The following CORIN variants were observed in gnomAD, a reference collection of about 807,000 sequenced individuals.
CORIN encodes corin, serine peptidase, also known as atrial natriuretic peptide-converting enzyme.
Under a neutral mutation model 125.3 loss-of-function variants are expected in CORIN, and 117 were observed. The observed-to-expected ratio is 0.93, with a 90% CI of 0.80 to 1.09. The LOEUF (loss-of-function observed/expected upper bound fraction) is 1.09, where lower values mean the gene tolerates loss of function less well. Among genes scored for constraint, CORIN ranks in the 50% least tolerant of loss-of-function variants. The probability of loss-of-function intolerance (pLI) is 0.00; values close to 1 mark genes in which losing one functional copy is unlikely to be tolerated. For synonymous variants in CORIN, 450 were observed against 466.4 expected, an observed-to-expected ratio of 0.96 and a Z score of 0.45; for missense variants, 1,253 against 1,306.7, an observed-to-expected ratio of 0.96 and a Z score of 0.63.
intron 1 of CORIN, among the ~76,000 whole-genome samples, chr4:47,810,102 T>C (rs556464990): frequency 6.6e-6 from 1 of 152,344 alleles, no homozygotes; most frequent in East Asian, 1.9e-4. Flanking sequence ...CACATATTTG[T>C]AAAGCATGTC....
intron 2 of CORIN, among the ~76,000 whole-genome samples, chr4:47,805,148 A>AATAATAATAATAAT (rs1553919340): frequency 1.6e-4 from 21 of 129,158 alleles, no homozygotes; most frequent in African/African-American, 5.3e-4. Flanking sequence ...AAAAAAAAAA[A>AATAATAATAATAAT]AATAATAATA....
At chr4:47,815,341 C>A (rs963076003) in intron 1 of CORIN, among the ~76,000 whole-genome samples, 21 of 152,028 alleles carry the variant, frequency 1.4e-4, no homozygotes, top group African/African-American at 4.8e-4. Context: ...TCAGAGCTTG[C>A]TCAATTTAGT....
chr4:47,657,674 A>G (rs997795172), intron 12 of CORIN, among the ~76,000 whole-genome samples: 1 of 152,160 alleles, frequency 6.6e-6, no homozygotes, highest in African/African-American at 2.4e-5. Flanking sequence ...GAAGCTTACA[A>G]TCATGGCAGA....
At position 47,595,492 on chromosome 4, in the gene CORIN, G is replaced by T; in HGVS notation, c.*229C>A. The T allele has an allele frequency of 7.2e-4, 204 of 284,142 alleles. No homozygotes were observed. The highest frequency in any genetic ancestry group is 2.2e-3 in the Middle Eastern group (2 of 908). The allele number at this position is 284,142 out of a possible 1,614,324, so 17.6% of individuals were successfully genotyped here. On this transcript the variant is annotated 3_prime_UTR_variant, in exon 22 of 22. Coordinates refer to ENST00000273857, the MANE Select transcript of CORIN (RefSeq NM_006587.4). ...CTGGCAAAAGGACAAAGTCTGCTTT[G>T]TTTGCTTTTGTAAAGTCTTTCATTG...
At chr4:47,649,805 A>T (rs545514463) in intron 13 of CORIN, among the ~76,000 whole-genome samples, 1 of 152,348 alleles carries the variant, frequency 6.6e-6, no homozygotes, top group South Asian at 2.1e-4. Context: ...CTACTGAGTG[A>T]TGAGAAATCA....
At chr4:47,626,922 A>T (rs867035249) in intron 16 of CORIN, among the ~76,000 whole-genome samples, 3 of 152,214 alleles carry the variant, frequency 2.0e-5, no homozygotes, top group African/African-American at 7.2e-5. Flanking sequence ...TTTAGCATTT[A>T]TTTAGACAGC....
intron 11 of CORIN, 56 bp downstream of exon 11, chr4:47,664,976 C>A: frequency 8.4e-7 from 1 of 1,197,482 alleles, no homozygotes; most frequent in Non-Finnish European, 1.2e-6. Flanking sequence ...TAAGTCTTCA[C>A]CCCTTGGTTC....
At chr4:47,662,893 T>C (rs1724314871) in intron 11 of CORIN, among the ~76,000 whole-genome samples, 1 of 152,184 alleles carries the variant, frequency 6.6e-6, no homozygotes, top group Non-Finnish European at 1.5e-5. Flanking sequence ...AACTCAACAC[T>C]GGCTTAGCCC....
At chr4:47,792,452 C>A (rs1731121891) in intron 2 of CORIN, among the ~76,000 whole-genome samples, 1 of 152,146 alleles carries the variant, frequency 6.6e-6, no homozygotes, top group Non-Finnish European at 1.5e-5. Context: ...AGAGTAAGGC[C>A]TTAGCCAACG....
intron 19 of CORIN, among the ~76,000 whole-genome samples, chr4:47,610,925 T>C (rs1282369262): frequency 6.6e-6 from 1 of 152,068 alleles, no homozygotes; most frequent in African/African-American, 2.4e-5. Flanking sequence ...TATTTCTGGG[T>C]TCTCTATTCT....
intron 3 of CORIN, among the ~76,000 whole-genome samples, chr4:47,771,030 T>C (rs1296183999): frequency 6.6e-6 from 1 of 152,156 alleles, no homozygotes; most frequent in Non-Finnish European, 1.5e-5. Context: ...AGATTTTAAG[T>C]ATACTCACCC....
intron 4 of CORIN, among the ~76,000 whole-genome samples, chr4:47,753,739 T>A (rs1729013686): frequency 6.6e-6 from 1 of 152,274 alleles, no homozygotes; most frequent in South Asian, 2.1e-4. Context: ...TGAAAATCGC[T>A]GTTACTCTGT....
intron 2 of CORIN, among the ~76,000 whole-genome samples, chr4:47,795,509 T>C (rs1292298615): frequency 1.3e-5 from 2 of 152,070 alleles, no homozygotes; most frequent in South Asian, 2.1e-4. Flanking sequence ...TCCTTAGTTA[T>C]GTTTATTCCC....
At chr4:47,621,062 G>A (rs1260348138) in intron 19 of CORIN, among the ~76,000 whole-genome samples, 1 of 152,040 alleles carries the variant, frequency 6.6e-6, no homozygotes, top group Non-Finnish European at 1.5e-5. Flanking sequence ...TTTAAATAAA[G>A]TAAAATTACT....
chr4:47,745,093 G>A (rs892734373), intron 4 of CORIN, among the ~76,000 whole-genome samples: 8 of 152,144 alleles, frequency 5.3e-5, no homozygotes, highest in African/African-American at 1.9e-4. Context: ...GTGGCAACTT[G>A]GAAGACCTTG....
In CORIN at chr4:47,595,587, A is replaced by T. The variant is rs1470831821; in HGVS notation, c.*134T>A. The T allele has an allele frequency of 1.8e-6, 1 of 546,080 alleles. No individual in the cohort carries two copies. Among genetic ancestry groups the T allele is most frequent in the Non-Finnish European group, 3.1e-6 (1 of 324,618 alleles). 33.8% of individuals were successfully genotyped at this position (546,080 alleles called of 1,614,324 possible). The stretch of plus-strand genomic sequence containing the variant: ...AAAATTAGTCCAAAACAAACATGCA[A>T]ATTTGCAGTGCACGATTGAGCATTT... On this transcript the variant is annotated 3_prime_UTR_variant, in exon 22 of 22. Coordinates refer to ENST00000273857, the MANE Select transcript of CORIN (RefSeq NM_006587.4).
intron 16 of CORIN, among the ~76,000 whole-genome samples, chr4:47,630,972 G>C (rs765035940): frequency 1.3e-5 from 2 of 152,186 alleles, no homozygotes; most frequent in African/African-American, 4.8e-5. Context: ...CATGTGAGCA[G>C]AACTCCTTGG....
chr4:47,819,242 ACAT>A (rs1732400844), intron 1 of CORIN, among the ~76,000 whole-genome samples: 1 of 152,182 alleles, frequency 6.6e-6, no homozygotes, highest in Admixed American at 6.5e-5. Context: ...ATTTACTTGA[ACAT>A]GAAAGCATTC....
chr4:47,829,900 C>T (rs1439637275), intron 1 of CORIN, among the ~76,000 whole-genome samples: 1 of 152,194 alleles, frequency 6.6e-6, no homozygotes, highest in Non-Finnish European at 1.5e-5. Flanking sequence ...TCATTTTACA[C>T]AAGTAAACCA....
Sources: gnomAD v4.1 joint callset for allele counts (sites outside exome capture counted in the v4.1 genomes callset) on GRCh38, gnomAD v4.1.1 for gene constraint, MANE v1.5 for transcripts, NCBI Gene and HGNC (gene_info 2026-07-23, HGNC 2026-07-21) for gene names.